SDK1: variants seen among roughly 807,000 people sequenced by gnomAD.
The protein encoded by SDK1 is protein sidekick-1.
A neutral mutation model predicts 245.5 loss-of-function variants in SDK1; 157 were observed. The ratio of observed to expected loss-of-function variants is 0.64; its 90% confidence interval spans 0.56 to 0.73. The LOEUF (loss-of-function observed/expected upper bound fraction) is 0.73. Among genes scored for constraint, SDK1 ranks in the 30% least tolerant of loss-of-function variants. The pLI is 0.00. For missense variants in SDK1, 3,583 were observed against 3,002.3 expected (o/e 1.19, Z -4.52); for synonymous variants, 1,647 against 1,278.5 (o/e 1.29, Z -6.15).
intron 17 of SDK1, among the ~76,000 whole-genome samples, chr7:4,039,828 G>GA (rs1382647837): frequency 6.6e-6 from 1 of 152,140 alleles, no homozygotes; most frequent in Non-Finnish European, 1.5e-5. Flanking sequence ...GAAACGAAGG[G>GA]AAGGGGGTGG....
intron 4 of SDK1, among the ~76,000 whole-genome samples, chr7:3,741,017 AT>A (rs1165728807): frequency 1.3e-5 from 2 of 152,158 alleles, no homozygotes. Flanking sequence ...TATCCTTGTG[AT>A]TAATCTACCT....
chr7:3,303,290 A>C (rs1347454507), intron 1 of SDK1, among the ~76,000 whole-genome samples: 1 of 152,198 alleles, frequency 6.6e-6, no homozygotes, highest in Non-Finnish European at 1.5e-5. Context: ...AGAAATCTAA[A>C]TCACTTAGGA....
At chr7:3,972,731 G>A (rs898351577) in intron 12 of SDK1, among the ~76,000 whole-genome samples, 5 of 152,194 alleles carry the variant, frequency 3.3e-5, no homozygotes, top group African/African-American at 4.8e-5. Flanking sequence ...GCAGCGGGAC[G>A]CGGAGACTCG....
intron 1 of SDK1, among the ~76,000 whole-genome samples, chr7:3,465,249 A>G (rs1362130484): frequency 6.6e-6 from 1 of 152,184 alleles, no homozygotes; most frequent in Non-Finnish European, 1.5e-5. Flanking sequence ...CCTCCTGCCC[A>G]GTTGGCCAAC....
intron 4 of SDK1, among the ~76,000 whole-genome samples, chr7:3,720,977 G>A (rs561314065): frequency 6.6e-6 from 1 of 152,322 alleles, no homozygotes; most frequent in Admixed American, 6.5e-5. Context: ...TATATTGAGT[G>A]AGAAAAGCCA....
intron 28 of SDK1, among the ~76,000 whole-genome samples, chr7:4,140,790 G>C (rs1177847174): frequency 3.3e-5 from 5 of 152,144 alleles, no homozygotes; most frequent in African/African-American, 9.7e-5. Flanking sequence ...CTAATAAGCT[G>C]TGTCTCCATT....
At chr7:3,698,514 G>A (rs1014274646) in intron 4 of SDK1, among the ~76,000 whole-genome samples, 1 of 152,152 alleles carries the variant, frequency 6.6e-6, no homozygotes, top group African/African-American at 2.4e-5. Flanking sequence ...CTCACTCAGA[G>A]CGTCAGTGGA....
At position 4,127,417 on chromosome 7, in the gene SDK1, C is replaced by T; in HGVS notation, c.3860C>T (p.Ala1287Val). 1 of 1,614,230 alleles carries T rather than the reference C, an allele frequency of 6.2e-7. No individual in the cohort carries two copies. The highest frequency in any genetic ancestry group is 8.5e-7 in the Non-Finnish European group (1 of 1,180,024). The change falls in exon 26 of 45, where the codon GCT becomes GTT. Residue 1287 changes from alanine to valine, a missense_variant. By Grantham distance (64) the Ala-to-Val change is moderately conservative (BLOSUM62 0). Coordinates refer to ENST00000404826, the MANE Select transcript of SDK1 (RefSeq NM_152744.4). ...SAAPENVSAE[A>V]VSSTQILLTW... ...GCCCCTGAGAACGTGTCAGCCGAGG[C>T]TGTCAGCTCGACCCAGATTTTACTG...
intron 4 of SDK1, among the ~76,000 whole-genome samples, chr7:3,800,201 T>C (rs1211162621): frequency 1.3e-5 from 2 of 152,092 alleles, no homozygotes; most frequent in Admixed American, 1.3e-4. Context: ...AACACAAAAC[T>C]TCCATTTCCT....
intron 1 of SDK1, among the ~76,000 whole-genome samples, chr7:3,316,807 T>C (rs1282167060): frequency 2.0e-5 from 3 of 152,142 alleles, no homozygotes; most frequent in Non-Finnish European, 2.9e-5. Flanking sequence ...ACAGTATTTG[T>C]TTTCAATTGT....
intron 13 of SDK1, among the ~76,000 whole-genome samples, chr7:3,979,321 C>A (rs1051147659): frequency 6.6e-6 from 1 of 152,192 alleles, no homozygotes; most frequent in Admixed American, 6.5e-5. Context: ...CCATCTTATA[C>A]TAGAATGCTG....
At chr7:4,036,161 G>T (rs915587831) in intron 17 of SDK1, among the ~76,000 whole-genome samples, 3 of 152,182 alleles carry the variant, frequency 2.0e-5, no homozygotes, top group Non-Finnish European at 2.9e-5. Flanking sequence ...AAAGTAGGAG[G>T]TCACAATTGC....
At chr7:3,814,591 T>C (rs1001839777) in intron 4 of SDK1, among the ~76,000 whole-genome samples, 2 of 152,198 alleles carry the variant, frequency 1.3e-5, no homozygotes, top group East Asian at 1.9e-4. Context: ...GACTTGGTGA[T>C]GCGGGCTCTT....
At chr7:3,432,377 T>C (rs1261311706) in intron 1 of SDK1, among the ~76,000 whole-genome samples, 2 of 152,000 alleles carry the variant, frequency 1.3e-5, no homozygotes, top group Non-Finnish European at 2.9e-5. Context: ...ACTAGAATTT[T>C]GATGTAGCAG....
intron 1 of SDK1, among the ~76,000 whole-genome samples, chr7:3,371,555 G>A (rs951473800): frequency 3.9e-5 from 6 of 152,112 alleles, no homozygotes; most frequent in African/African-American, 1.4e-4. Flanking sequence ...AAAGCTGATC[G>A]AAATAAAAGA....
chr7:3,900,423 C>A (rs1379339825), intron 5 of SDK1, among the ~76,000 whole-genome samples: 2 of 152,162 alleles, frequency 1.3e-5, no homozygotes, highest in African/African-American at 2.4e-5. Flanking sequence ...GTTATAATAA[C>A]AACACAACGT....
intron 4 of SDK1, among the ~76,000 whole-genome samples, chr7:3,672,328 C>G (rs564020050): frequency 6.6e-5 from 10 of 151,942 alleles, no homozygotes; most frequent in African/African-American, 2.4e-4. Flanking sequence ...GCTCATCTAC[C>G]CTACTGCACC....
At chr7:3,758,603 T>C (rs551060286) in intron 4 of SDK1, among the ~76,000 whole-genome samples, 2 of 152,222 alleles carry the variant, frequency 1.3e-5, no homozygotes, top group Non-Finnish European at 2.9e-5. Context: ...ACTGTGTTTG[T>C]TTGACGTGCT....
At chr7:4,107,164 G>A (rs1400286445) in intron 22 of SDK1, among the ~76,000 whole-genome samples, 11 of 149,868 alleles carry the variant, frequency 7.3e-5, no homozygotes, top group Admixed American at 7.3e-4. Context: ...GGGAGGGTGG[G>A]GCTGCAGGGG....
Sources: gnomAD v4.1 joint callset for allele counts (sites outside exome capture counted in the v4.1 genomes callset) on GRCh38, gnomAD v4.1.1 for gene constraint, MANE v1.5 for transcripts, NCBI Gene and HGNC (gene_info 2026-07-23, HGNC 2026-07-21) for gene names.